Variants in SCARA3 observed in about 807,000 individuals in gnomAD.
The protein encoded by SCARA3 is cellular stress response gene protein.
Under a neutral mutation model 47.0 loss-of-function variants are expected in SCARA3, and 39 were observed. The ratio of observed to expected loss-of-function variants is 0.83; its 90% CI spans 0.64 to 1.08. The LOEUF (loss-of-function observed/expected upper bound fraction) is 1.08. Ranked by LOEUF, SCARA3 falls within the 50% of genes least tolerant of loss-of-function variation. The probability of loss-of-function intolerance (pLI) is 0.00; values close to 1 mark genes in which losing one functional copy is unlikely to be tolerated. For synonymous variants in SCARA3, 356 were observed against 334.1 expected (o/e 1.07, Z -0.71); for missense variants, 724 against 792.3 (o/e 0.91, Z 1.04).
the SCARA3 span, among the ~76,000 whole-genome samples, chr8:27,712,617 T>A: frequency 6.6e-6 from 1 of 151,860 alleles, no homozygotes; most frequent in South Asian, 2.1e-4. Flanking sequence ...TGATACCTCT[T>A]CCTTTTTAGC....
the SCARA3 span, among the ~76,000 whole-genome samples, chr8:27,721,082 T>A: frequency 0.019 from 2,825 of 151,982 alleles, 164 homozygotes; most frequent in East Asian, 0.21. Context: ...CTATCCATCC[T>A]TCCATCCATC....
At chr8:27,645,817 G>A (rs1801480805) in intron 1 of SCARA3, among the ~76,000 whole-genome samples, 1 of 152,134 alleles carries the variant, frequency 6.6e-6, no homozygotes, top group African/African-American at 2.4e-5. Flanking sequence ...GAGGCACTAC[G>A]GATGCCTGCC....
At position 27,664,359 on chromosome 8, in the gene SCARA3, G is replaced by A. The variant is rs531026010; in HGVS notation, c.1369+4820G>A. ...ACATTTTGTTTTATTTCAGCCTCAC[G>A]ACAACCCTTGCATGGTAAACAAGGC... On this transcript the variant is annotated intron_variant, in intron 5 of 5. Coordinates refer to ENST00000301904, the MANE Select transcript of SCARA3 (RefSeq NM_016240.3). Among the ~76,000 whole-genome samples the A allele has an allele frequency of 3.3e-5, 5 of 152,272 alleles. No individual in the cohort carries two copies. The South Asian group carries it at 8.3e-4, about 25-fold the overall frequency.
the SCARA3 span, among the ~76,000 whole-genome samples, chr8:27,722,928 G>A: frequency 6.6e-6 from 1 of 151,962 alleles, no homozygotes; most frequent in African/African-American, 2.4e-5. Flanking sequence ...TGATATGGCC[G>A]CCCCACCTGA....
At chr8:27,730,646 G>T in the SCARA3 span, among the ~76,000 whole-genome samples, 1 of 151,886 alleles carries the variant, frequency 6.6e-6, no homozygotes, top group Non-Finnish European at 1.5e-5. Context: ...CAACAACCTG[G>T]ACTTTTTTTA....
Position 27,634,129 on chromosome 8 carries a change from C to T in SCARA3, c.-72C>T. ...GGCGATCCGCGCCCTGGAGGATCCG[C>T]CGGCCGCCCGGCTCCACTACAGCTC... On this transcript the variant is annotated 5_prime_UTR_variant, in exon 1 of 6. Transcript: ENST00000301904. 1.4e-6 allele frequency: 2 copies of T among 1,407,620 alleles called. No homozygotes were observed. Among genetic ancestry groups the T allele is most frequent in the Non-Finnish European group, 9.3e-7 (1 of 1,077,712 alleles). 87.2% of individuals were successfully genotyped at this position (1,407,620 alleles called of 1,614,324 possible).
At chr8:27,711,681 T>G in the SCARA3 span, among the ~76,000 whole-genome samples, 7 of 152,110 alleles carry the variant, frequency 4.6e-5, no homozygotes, top group Admixed American at 6.5e-5. Context: ...AATATATATT[T>G]TTGTATTTAT....
chr8:27,655,122 C>T (rs903490281), intron 3 of SCARA3, among the ~76,000 whole-genome samples: 8 of 152,162 alleles, frequency 5.3e-5, no homozygotes, highest in African/African-American at 1.7e-4. Flanking sequence ...TAACTGGAGC[C>T]TGGAGATTCC....
the SCARA3 span, among the ~76,000 whole-genome samples, chr8:27,694,581 G>C: frequency 4.6e-5 from 7 of 152,202 alleles, no homozygotes; most frequent in Non-Finnish European, 8.8e-5. Context: ...TGTTGAAGAA[G>C]AAAGGAATGA....
At chr8:27,698,718 G>A in the SCARA3 span, among the ~76,000 whole-genome samples, 1 of 151,780 alleles carries the variant, frequency 6.6e-6, no homozygotes, top group Non-Finnish European at 1.5e-5. Flanking sequence ...TATACTAGGA[G>A]CAAAAAATAA....
chr8:27,673,330 C>T (rs1392712395), downstream of SCARA3, among the ~76,000 whole-genome samples: 1 of 152,258 alleles, frequency 6.6e-6, no homozygotes, highest in East Asian at 1.9e-4. Flanking sequence ...TGAGTGATAC[C>T]TCCTGCTTCT....
chr8:27,698,684 A>G, the SCARA3 span, among the ~76,000 whole-genome samples: 4 of 152,208 alleles, frequency 2.6e-5, no homozygotes, highest in African/African-American at 9.6e-5. Flanking sequence ...GAAGGCCAAT[A>G]TACAAAAACC....
downstream of SCARA3, among the ~76,000 whole-genome samples, chr8:27,677,337 G>A (rs1457775343): frequency 6.6e-6 from 1 of 152,150 alleles, no homozygotes; most frequent in East Asian, 1.9e-4. Flanking sequence ...AATTGGATGG[G>A]GTACTGAGCA....
At chr8:27,721,547 G>T in the SCARA3 span, among the ~76,000 whole-genome samples, 1 of 152,112 alleles carries the variant, frequency 6.6e-6, no homozygotes, top group Non-Finnish European at 1.5e-5. Context: ...GTTTTTAAAT[G>T]GTTGGTTCTG....
chr8:27,684,933 T>C, the SCARA3 span, among the ~76,000 whole-genome samples: 1 of 151,484 alleles, frequency 6.6e-6, no homozygotes, highest in Non-Finnish European at 1.5e-5. Flanking sequence ...AAAAAAAAAG[T>C]TTAAAGAAGT....
chr8:27,732,159 A>G, the SCARA3 span, among the ~76,000 whole-genome samples: 1 of 152,218 alleles, frequency 6.6e-6, no homozygotes, highest in South Asian at 2.1e-4. Context: ...CATTTGTCTT[A>G]TATTTTCACT....
At chr8:27,691,889 T>C in the SCARA3 span, among the ~76,000 whole-genome samples, 4 of 152,220 alleles carry the variant, frequency 2.6e-5, no homozygotes, top group South Asian at 6.2e-4. Context: ...GCAATTCCAA[T>C]AAGACAACGC....
the SCARA3 span, among the ~76,000 whole-genome samples, chr8:27,725,426 C>A: frequency 6.7e-6 from 1 of 149,088 alleles, no homozygotes; most frequent in Non-Finnish European, 1.5e-5. Context: ...ATGAACATAT[C>A]TTTTCATACA....
chr8:27,681,566 A>C (rs1802356397), downstream of SCARA3, among the ~76,000 whole-genome samples: 1 of 152,176 alleles, frequency 6.6e-6, no homozygotes, highest in South Asian at 2.1e-4. Context: ...CTCTTAAAAA[A>C]AAAATAATAG....
Sources: allele counts gnomAD v4.1 joint callset (sites outside exome capture counted in the v4.1 genomes callset), GRCh38; gene constraint gnomAD v4.1.1; transcripts MANE v1.5; gene names NCBI Gene and HGNC (gene_info 2026-07-23, HGNC 2026-07-21).